KANSL1: variants seen among roughly 807,000 people sequenced by gnomAD.
The protein encoded by KANSL1 is MLL1/MLL complex subunit KANSL1.
KANSL1 carries 22 observed loss-of-function variants against 103.6 expected under a neutral mutation model. The ratio of observed to expected loss-of-function variants is 0.21; its 90% CI spans 0.15 to 0.30. KANSL1 has a LOEUF of 0.30. KANSL1 is among the 10% of genes least tolerant of loss of function. KANSL1 has a pLI of 1.00. For synonymous variants in KANSL1, 600 were observed against 527.6 expected (o/e 1.14, Z -1.88); for missense variants, 1,337 against 1,399.8 (o/e 0.96, Z 0.72).
chr17:46,144,023 C>T (rs1462626016), intron 2 of KANSL1, among the ~76,000 whole-genome samples: 1 of 152,152 alleles, frequency 6.6e-6, no homozygotes, highest in Non-Finnish European at 1.5e-5. Context: ...CAAGTAACAG[C>T]AGAGGTAAAA....
intron 2 of KANSL1, among the ~76,000 whole-genome samples, chr17:46,162,088 T>A (rs2045772090): frequency 6.6e-6 from 1 of 152,270 alleles, no homozygotes; most frequent in Non-Finnish European, 1.5e-5. Context: ...TATTCTTATG[T>A]TTACTATATA....
intron 6 of KANSL1, among the ~76,000 whole-genome samples, chr17:46,064,072 C>CA (rs71786950): frequency 0.17 from 20,828 of 125,296 alleles, 2,001 homozygotes; most frequent in East Asian, 0.44. Flanking sequence ...AAAAAAAAAA[C>CA]AAAAAAAAAC....
chr17:46,132,740 G>C (rs139109976), intron 2 of KANSL1, among the ~76,000 whole-genome samples: 1 of 152,292 alleles, frequency 6.6e-6, no homozygotes, highest in East Asian at 1.9e-4. Context: ...TTGAGTCCAG[G>C]AGTTTGAGAC....
intron 7 of KANSL1, chr17:46,044,637 T>C (rs2077439475): frequency 6.6e-6 from 1 of 152,218 alleles, no homozygotes; most frequent in African/African-American, 2.4e-5. Flanking sequence ...TTACTTGAGG[T>C]GATAAAACAA....
chr17:46,080,310 C>CT (rs551522299), intron 4 of KANSL1, among the ~76,000 whole-genome samples: 2 of 67,270 alleles, frequency 3.0e-5, no homozygotes, highest in East Asian at 4.0e-4. Flanking sequence ...AAGAGCCTGT[C>CT]TTAAAAAAAA....
intron 4 of KANSL1, among the ~76,000 whole-genome samples, chr17:46,078,770 AAG>A (rs769634509): frequency 2.0e-5 from 3 of 149,826 alleles, no homozygotes; most frequent in Non-Finnish European, 4.5e-5. Context: ...CTTCTATTTG[AAG>A]AGAGAGAATG....
chr17:46,093,331 A>AT (rs2079488409), intron 3 of KANSL1: 2 of 152,660 alleles, frequency 1.3e-5, no homozygotes, highest in Non-Finnish European at 1.5e-5. Context: ...TAGAATGTTT[A>AT]TTAGTTTTGT....
intron 3 of KANSL1, among the ~76,000 whole-genome samples, chr17:46,086,733 T>G (rs2079178434): frequency 6.6e-6 from 1 of 152,126 alleles, no homozygotes. Flanking sequence ...GGAGGAGGAC[T>G]GCTTGAGGCC....
At chr17:46,160,156 A>G (rs2045654079) in intron 2 of KANSL1, among the ~76,000 whole-genome samples, 1 of 152,254 alleles carries the variant, frequency 6.6e-6, no homozygotes. Context: ...TGGAAGATTT[A>G]AAGACAACAA....
chr17:46,210,569 T>C (rs1235212990), intron 1 of KANSL1, among the ~76,000 whole-genome samples: 3 of 151,900 alleles, frequency 2.0e-5, no homozygotes, highest in Non-Finnish European at 4.4e-5. Context: ...CAGAAAATTA[T>C]AGGTAGATGC....
intron 1 of KANSL1, among the ~76,000 whole-genome samples, chr17:46,185,590 C>T (rs2046982025): frequency 6.6e-6 from 1 of 151,324 alleles, no homozygotes; most frequent in Non-Finnish European, 1.5e-5. Context: ...CACTGAAGAA[C>T]TGGAATACAA....
intron 1 of KANSL1, among the ~76,000 whole-genome samples, chr17:46,189,074 A>C (rs2047180280): frequency 6.9e-6 from 1 of 145,090 alleles, no homozygotes; most frequent in African/African-American, 2.6e-5. Flanking sequence ...AAAGACAAGC[A>C]AGGTTATATG....
At chr17:46,055,474 A>AG (rs1266202064) in intron 6 of KANSL1, among the ~76,000 whole-genome samples, 1 of 152,002 alleles carries the variant, frequency 6.6e-6, no homozygotes, top group Admixed American at 6.6e-5. Flanking sequence ...TCAAAAAAAA[A>AG]AAAAAGTGAA....
chr17:46,158,537 A>ATT (rs552688494), intron 2 of KANSL1, among the ~76,000 whole-genome samples: 204 of 151,824 alleles, frequency 1.3e-3, no homozygotes, highest in Non-Finnish European at 2.4e-3. Flanking sequence ...CAATTTTTGT[A>ATT]TTTTTTGTTT....
chr17:46,146,978 CAGA>C (rs1450047966), intron 2 of KANSL1, among the ~76,000 whole-genome samples: 6 of 151,874 alleles, frequency 4.0e-5, no homozygotes, highest in Non-Finnish European at 7.4e-5. Context: ...GAGGCTGAGG[CAGA>C]AGAACTGCTT....
chr17:46,169,854 T>C lies in KANSL1; in HGVS notation c.1289+1001A>G, dbSNP rs181588164. Among the ~76,000 whole-genome samples the C allele has an allele frequency of 2.4e-4, 37 of 152,322 alleles. No homozygotes were observed. In the South Asian group the frequency reaches 3.1e-3, roughly 13 times the overall value. ...TGGAGTGCCACCCATAAAAAGCTTA[T>C]GTAAAATTTTCTCAAACCAACAGAT... On this transcript the variant is annotated intron_variant, in intron 2 of 14. Transcript: ENST00000432791.
At chr17:46,088,888 C>G (rs2079267291) in intron 3 of KANSL1, among the ~76,000 whole-genome samples, 1 of 152,166 alleles carries the variant, frequency 6.6e-6, no homozygotes, top group Non-Finnish European at 1.5e-5. Context: ...GACCCTGCCT[C>G]TTAAAAACTG....
intron 1 of KANSL1, among the ~76,000 whole-genome samples, chr17:46,177,418 A>G (rs1425719816): frequency 1.2e-4 from 18 of 152,226 alleles, no homozygotes. Context: ...TACTTTTAAT[A>G]TTTCATGATG....
At chr17:46,172,563 A>G (rs545503032) in intron 1 of KANSL1, among the ~76,000 whole-genome samples, 1 of 152,374 alleles carries the variant, frequency 6.6e-6, no homozygotes, top group Non-Finnish European at 1.5e-5. Context: ...AATCTCTTTA[A>G]GCTTGTTGAA....
Sources: allele counts gnomAD v4.1 joint callset (sites outside exome capture counted in the v4.1 genomes callset), GRCh38; gene constraint gnomAD v4.1.1; transcripts MANE v1.5; gene names NCBI Gene and HGNC (gene_info 2026-07-23, HGNC 2026-07-21).